Variants in IFNAR2 observed in about 807,000 individuals in gnomAD.
IFNAR2 encodes interferon alpha/beta receptor 2.
A neutral mutation model predicts 49.4 loss-of-function variants in IFNAR2; 30 were observed. That is an observed-to-expected ratio of 0.61 (90% confidence interval 0.45 to 0.82). The LOEUF is 0.82. Ranked by LOEUF, IFNAR2 falls within the 40% of genes least tolerant of loss-of-function variation. IFNAR2 has a pLI of 0.00. For synonymous variants in IFNAR2, 224 were observed against 234.5 expected (o/e 0.96, Z 0.41); for missense variants, 600 against 622.7 (o/e 0.96, Z 0.39).
rs1987452524 is a variant in IFNAR2 at position 33,246,827 on chromosome 21, G to A, written c.331G>A (p.Glu111Lys). The A allele has an allele frequency of 1.2e-6, 2 of 1,614,098 alleles. No individual in the cohort carries two copies. The highest frequency in any genetic ancestry group is 2.2e-5 in the South Asian group (2 of 91,090). ...STHEAYVTVLEGFSGNTTLFS... is the reference protein window; with the variant it reads ...STHEAYVTVLKGFSGNTTLFS... Reference sequence around the variant, plus strand: ...ACACGAGGCCTATGTCACCGTCCTAGAAGGATTCAGCGGGAACACAACGTT... The same window carrying A: ...ACACGAGGCCTATGTCACCGTCCTAAAAGGATTCAGCGGGAACACAACGTT... The change falls in exon 5 of 9, where the codon GAA becomes AAA. Residue 111 changes from glutamate to lysine, a missense_variant. Coordinates refer to ENST00000342136, the MANE Select transcript of IFNAR2 (RefSeq NM_001289125.3).
chr21:33,247,222 G>A (rs1185811103), intron 5 of IFNAR2, among the ~76,000 whole-genome samples: 6 of 147,510 alleles, frequency 4.1e-5, no homozygotes, highest in Admixed American at 4.0e-4. Flanking sequence ...CATCTCTCTG[G>A]CCCAGGATTT....
chr21:33,252,980 T>C, intron 7 of IFNAR2, 150 bp downstream of exon 7: 1 of 719,914 alleles, frequency 1.4e-6, no homozygotes, highest in Non-Finnish European at 2.5e-6. Flanking sequence ...TTCTGTTGGT[T>C]CGTGTGTATG....
rs913970874 is a variant in IFNAR2, at chr21:33,265,646, A to G, written c.*2146A>G. 2 of 224,068 alleles carry G rather than the reference A, an allele frequency of 8.9e-6. No homozygotes were observed. The highest frequency in any genetic ancestry group is 1.1e-4 in the Admixed American group (2 of 18,886). 13.9% of individuals were successfully genotyped at this position (224,068 alleles called of 1,614,324 possible). On this transcript the variant is annotated 3_prime_UTR_variant, in exon 9 of 9. Coordinates refer to ENST00000342136, the MANE Select transcript of IFNAR2 (RefSeq NM_001289125.3). Reference sequence around the variant, plus strand: ...GGAGGTTGGTAAAAAGTAACACAACAGTACTTTTTTAATACAAACTTGGTG... The same window carrying G: ...GGAGGTTGGTAAAAAGTAACACAACGGTACTTTTTTAATACAAACTTGGTG...
rs375471432 is a variant in IFNAR2, at chr21:33,246,829, A to G, written c.333A>G (p.Glu111=). Residue 111 remains glutamate (E), a synonymous_variant, in exon 5 of 9, where the codon GAA becomes GAG. Coordinates refer to ENST00000342136, the MANE Select transcript of IFNAR2 (RefSeq NM_001289125.3). ...STHEAYVTVL[E]GFSGNTTLFS... is the part of the protein sequence containing the mutation. ...ACGAGGCCTATGTCACCGTCCTAGA[A>G]GGATTCAGCGGGAACACAACGTTGT... 6.8e-6 allele frequency: 11 copies of G among 1,614,126 alleles called. No individual in the cohort carries two copies. In the African/African-American group the frequency reaches 1.3e-4, roughly 20 times the overall value.
chr21:33,250,895 G>A (rs1425489398), intron 6 of IFNAR2, among the ~76,000 whole-genome samples: 1 of 152,174 alleles, frequency 6.6e-6, no homozygotes, highest in African/African-American at 2.4e-5. Context: ...ATTAACTATG[G>A]AAGATGATGA....
At position 33,252,768 on chromosome 21, in the gene IFNAR2, A is replaced by G. The variant is rs781287049; in HGVS notation, c.647A>G (p.Asp216Gly). Residue 216 changes from aspartate (D) to glycine (G), a missense_variant, in exon 7 of 9, where the codon GAT (aspartate) becomes GGT (glycine). Coordinates refer to ENST00000342136, the MANE Select transcript of IFNAR2 (RefSeq NM_001289125.3). ...GTATCTGTTTATTTAGAGCACAGTG[A>G]TGAGCAAGCAGTAATAAAGTCTCCC... ...YCVSVYLEHS[D>G]EQAVIKSPLK... 1 of 1,613,928 alleles carries G rather than the reference A, an allele frequency of 6.2e-7. No homozygotes were observed. The highest frequency in any genetic ancestry group is 8.5e-7 in the Non-Finnish European group (1 of 1,179,800).
Position 33,262,829 on chromosome 21 carries a change from C to T in IFNAR2, c.877C>T (p.Leu293=). Residue 293 remains leucine (L), a synonymous_variant, in exon 9 of 9, where the codon CTG becomes TTG. Coordinates refer to ENST00000342136, the MANE Select transcript of IFNAR2 (RefSeq NM_001289125.3). ...HNFLAWPFPN[L]PPLEAMDMVE... ...CTTTTTAGCCTGGCCATTTCCTAAC[C>T]TGCCACCGTTGGAAGCCATGGATAT... 6.2e-7 allele frequency: 1 copy of T among 1,607,094 alleles called. No homozygotes were observed. The highest frequency in any genetic ancestry group is 8.5e-7 in the Non-Finnish European group (1 of 1,177,358).
At chr21:33,238,120 A>G (rs907201922) in intron 1 of IFNAR2, among the ~76,000 whole-genome samples, 1 of 152,136 alleles carries the variant, frequency 6.6e-6, no homozygotes, top group Non-Finnish European at 1.5e-5. Flanking sequence ...GCTGACCGAA[A>G]AATGCAAGTT....
chr21:33,258,843 T>C (rs1184595897), intron 7 of IFNAR2, among the ~76,000 whole-genome samples: 1 of 152,180 alleles, frequency 6.6e-6, no homozygotes, highest in Admixed American at 6.5e-5. Context: ...CAGAGGGTTG[T>C]GAGCAGGTTG....
At chr21:33,237,078 G>GGTGTGTGTGTGT (rs34322078) in intron 1 of IFNAR2, among the ~76,000 whole-genome samples, 1,911 of 147,646 alleles carry the variant, frequency 0.013, 37 homozygotes, top group African/African-American at 0.037. Context: ...GGGAGAATGG[G>GGTGTGTGTGTGT]GTGTGTGTGT....
intron 1 of IFNAR2, among the ~76,000 whole-genome samples, chr21:33,235,111 A>G (rs1986349883): frequency 6.6e-6 from 1 of 152,168 alleles, no homozygotes. Context: ...TAGCATGCTA[A>G]TATATTGTAA....
chr21:33,259,323 C>G (rs1327960775), intron 7 of IFNAR2, among the ~76,000 whole-genome samples: 1 of 152,090 alleles, frequency 6.6e-6, no homozygotes, highest in Non-Finnish European at 1.5e-5. Flanking sequence ...TGGGATTCAT[C>G]TCTTTTCAAA....
chr21:33,234,717 T>C (rs1986319157), intron 1 of IFNAR2: 1 of 984,394 alleles, frequency 1.0e-6, no homozygotes, highest in Admixed American at 6.2e-5. Context: ...TCTTTCAGAA[T>C]GGAGAAGGCC....
intron 6 of IFNAR2, among the ~76,000 whole-genome samples, chr21:33,250,138 C>T (rs895312367): frequency 4.6e-5 from 7 of 152,112 alleles, no homozygotes; most frequent in African/African-American, 1.7e-4. Context: ...TGATTATTAT[C>T]ATTTTTCTTT....
chr21:33,254,163 C>G (rs1284175445), intron 7 of IFNAR2, among the ~76,000 whole-genome samples: 1 of 152,238 alleles, frequency 6.6e-6, no homozygotes, highest in Non-Finnish European at 1.5e-5. Context: ...ATGGATCCCT[C>G]CTCTCAGCCA....
At chr21:33,236,594 C>T (rs896701743) in intron 1 of IFNAR2, among the ~76,000 whole-genome samples, 3 of 152,146 alleles carry the variant, frequency 2.0e-5, no homozygotes, top group Non-Finnish European at 4.4e-5. Flanking sequence ...AGGGCTTCAG[C>T]GGAATGTGGT....
chr21:33,249,737 C>T (rs1048242337), intron 6 of IFNAR2, among the ~76,000 whole-genome samples: 1 of 152,136 alleles, frequency 6.6e-6, no homozygotes, highest in Admixed American at 6.6e-5. Context: ...CTGTAGAGCC[C>T]TTTGCCAAGT....
At chr21:33,239,775 C>G (rs1986776552) in intron 1 of IFNAR2, among the ~76,000 whole-genome samples, 1 of 151,184 alleles carries the variant, frequency 6.6e-6, no homozygotes, top group African/African-American at 2.4e-5. Context: ...GGTCACAGCC[C>G]TCAATGTTGT....
At chr21:33,248,353 GAA>G (rs2123490146) in intron 5 of IFNAR2, among the ~76,000 whole-genome samples, 1 of 107,786 alleles carries the variant, frequency 9.3e-6, no homozygotes, top group African/African-American at 3.7e-5. Context: ...CATTAAAAAA[GAA>G]AGAGAGAAAG....
Sources: gnomAD v4.1 joint callset for allele counts (sites outside exome capture counted in the v4.1 genomes callset) on GRCh38, gnomAD v4.1.1 for gene constraint, MANE v1.5 for transcripts, NCBI Gene and HGNC (gene_info 2026-07-23, HGNC 2026-07-21) for gene names.